Variants in WWOX observed in about 807,000 individuals in gnomAD.
WWOX encodes WW domain-containing oxidoreductase.
Under a neutral mutation model 46.2 loss-of-function variants are expected in WWOX, and 69 were observed. That is an observed-to-expected ratio of 1.49 (90% CI 1.23 to 1.82). WWOX has a LOEUF of 1.82. WWOX is among the 40% of genes most tolerant of loss of function. The pLI is 0.00. For synonymous variants in WWOX, 359 were observed against 202.6 expected, an observed-to-expected ratio of 1.77 and a Z score of -6.56; for missense variants, 919 against 542.6, an observed-to-expected ratio of 1.69 and a Z score of -6.89.
At chr16:78,522,420 CTGTT>C (rs1173786719) in intron 8 of WWOX, among the ~76,000 whole-genome samples, 3 of 152,208 alleles carry the variant, frequency 2.0e-5, no homozygotes, top group African/African-American at 2.4e-5. Flanking sequence ...AAGCTCTCCT[CTGTT>C]TGCACAGTAG....
chr16:79,207,173 C>T (rs891690424), intron 8 of WWOX, among the ~76,000 whole-genome samples: 1 of 152,210 alleles, frequency 6.6e-6, no homozygotes, highest in South Asian at 2.1e-4. Context: ...CAGCAGCTCT[C>T]TGATAAATGT....
rs767985798 is a variant in WWOX at position 79,211,769 on chromosome 16, A to G, written c.1218A>G (p.Gln406=). ...TLWALSERLI[Q]ERLGSQSG The stretch of plus-strand genomic sequence containing the variant: ...GGGCGCTCAGCGAGAGGCTGATCCA[A>G]GAACGGCTTGGCAGCCAGTCCGGCT... Residue 406 remains glutamine, a synonymous_variant, in exon 9 of 9, where the codon CAA becomes CAG. Transcript: ENST00000566780. 3 of 1,614,166 alleles carry G rather than the reference A, an allele frequency of 1.9e-6. No homozygotes were observed. The highest frequency in any genetic ancestry group is 2.5e-6 in the Non-Finnish European group (3 of 1,180,006).
intron 8 of WWOX, among the ~76,000 whole-genome samples, chr16:78,853,909 T>A (rs1037131935): frequency 6.6e-6 from 1 of 152,212 alleles, no homozygotes; most frequent in African/African-American, 2.4e-5. Flanking sequence ...TTGATGTAAT[T>A]TAAAATACTT....
intron 4 of WWOX, among the ~76,000 whole-genome samples, chr16:78,159,705 T>G: frequency 8.7e-6 from 1 of 114,414 alleles, no homozygotes; most frequent in South Asian, 2.9e-4. Flanking sequence ...TGCTATTGGG[T>G]TTTAGGAGTT....
intron 8 of WWOX, among the ~76,000 whole-genome samples, chr16:79,003,326 C>G (rs915138781): frequency 2.6e-5 from 4 of 152,140 alleles, no homozygotes; most frequent in Admixed American, 2.0e-4. Flanking sequence ...GGGACGTGAT[C>G]TAACATTTGC....
chr16:78,404,783 A>G (rs1265545921), intron 6 of WWOX, among the ~76,000 whole-genome samples: 1 of 152,180 alleles, frequency 6.6e-6, no homozygotes, highest in Non-Finnish European at 1.5e-5. Context: ...TCCTTACTGC[A>G]CTTAAAGTTG....
chr16:78,444,367 A>C (rs2151400868), intron 8 of WWOX, among the ~76,000 whole-genome samples: 1 of 152,282 alleles, frequency 6.6e-6, no homozygotes, highest in South Asian at 2.1e-4. Flanking sequence ...TTAATAGAAC[A>C]GTTTAACTTG....
At chr16:78,468,896 C>T (rs921041445) in intron 8 of WWOX, among the ~76,000 whole-genome samples, 1 of 152,176 alleles carries the variant, frequency 6.6e-6, no homozygotes, top group Non-Finnish European at 1.5e-5. Flanking sequence ...AAAGGTTTCC[C>T]TTTGTAACCT....
At chr16:78,501,498 C>G (rs1167952548) in intron 8 of WWOX, among the ~76,000 whole-genome samples, 1 of 151,574 alleles carries the variant, frequency 6.6e-6, no homozygotes, top group Non-Finnish European at 1.5e-5. Context: ...GTACTGCTCA[C>G]TTTGGGCTGT....
At chr16:78,483,348 C>T (rs1164793866) in intron 8 of WWOX, among the ~76,000 whole-genome samples, 3 of 150,378 alleles carry the variant, frequency 2.0e-5, no homozygotes, top group Admixed American at 1.3e-4. Context: ...AGTCTCCCGT[C>T]TGCAGAAGCA....
chr16:78,462,303 G>C (rs1338465208), intron 8 of WWOX, among the ~76,000 whole-genome samples: 1 of 150,892 alleles, frequency 6.6e-6, no homozygotes, highest in East Asian at 1.9e-4. Flanking sequence ...GTCTGTGATT[G>C]ATCTTTTATT....
At chr16:78,631,824 C>T (rs1366789427) in intron 8 of WWOX, among the ~76,000 whole-genome samples, 6 of 152,148 alleles carry the variant, frequency 3.9e-5, no homozygotes, top group Non-Finnish European at 7.3e-5. Context: ...CCATACCCAG[C>T]CAAAATATTC....
At chr16:78,795,192 C>T (rs2050705010) in intron 8 of WWOX, among the ~76,000 whole-genome samples, 1 of 152,054 alleles carries the variant, frequency 6.6e-6, no homozygotes, top group African/African-American at 2.4e-5. Flanking sequence ...AGATATTGTG[C>T]TAAGTGCTTT....
At chr16:79,122,966 C>T (rs113008627) in intron 8 of WWOX, among the ~76,000 whole-genome samples, 2,121 of 152,292 alleles carry the variant, frequency 0.014, 44 homozygotes, top group African/African-American at 0.047. Context: ...ATGGTCATTG[C>T]CTCAAAATTT....
chr16:78,262,097 C>CAAAA (rs752161345), intron 5 of WWOX, among the ~76,000 whole-genome samples: 17,534 of 62,380 alleles, frequency 0.28, 2,383 homozygotes, highest in East Asian at 0.41. Flanking sequence ...GAAACTCTGT[C>CAAAA]AAAAAAAAAA....
At chr16:78,741,950 A>C (rs918584008) in intron 8 of WWOX, among the ~76,000 whole-genome samples, 7 of 152,222 alleles carry the variant, frequency 4.6e-5, no homozygotes, top group Non-Finnish European at 8.8e-5. Flanking sequence ...GATGTTCCAC[A>C]TTTAACTGGA....
chr16:78,212,351 A>G (rs1020573426), intron 5 of WWOX, among the ~76,000 whole-genome samples: 1 of 152,234 alleles, frequency 6.6e-6, no homozygotes, highest in Non-Finnish European at 1.5e-5. Context: ...GTCAATGGCC[A>G]TCCCCAAATT....
chr16:78,782,221 C>A (rs1205055820), intron 8 of WWOX, among the ~76,000 whole-genome samples: 2 of 152,138 alleles, frequency 1.3e-5, no homozygotes, highest in East Asian at 3.9e-4. Flanking sequence ...CCGATTGACC[C>A]CACTGGACTT....
At chr16:79,171,395 C>A (rs1286585249) in intron 8 of WWOX, among the ~76,000 whole-genome samples, 1 of 152,176 alleles carries the variant, frequency 6.6e-6, no homozygotes, top group East Asian at 1.9e-4. Context: ...CATATACACC[C>A]TTTCCATTAT....
Sources: gnomAD v4.1 joint callset for allele counts (sites outside exome capture counted in the v4.1 genomes callset) on GRCh38, gnomAD v4.1.1 for gene constraint, MANE v1.5 for transcripts, NCBI Gene and HGNC (gene_info 2026-07-23, HGNC 2026-07-21) for gene names.